Variants in LINGO2 observed in about 807,000 individuals in gnomAD.
LINGO2 encodes the protein leucine-rich repeat and immunoglobulin-like domain-containing nogo receptor-interacting protein 2.
Under a neutral mutation model 30.6 loss-of-function variants are expected in LINGO2, and 14 were observed. That is an observed-to-expected ratio of 0.46 (90% confidence interval 0.30 to 0.72). The LOEUF is 0.72. LINGO2 is among the 30% of genes least tolerant of loss of function. LINGO2 has a pLI of 0.07. For synonymous variants in LINGO2, 317 were observed against 288.5 expected (o/e 1.10, Z -1.00); for missense variants, 729 against 751.7 (o/e 0.97, Z 0.35).
intron 2 of LINGO2, among the ~76,000 whole-genome samples, chr9:28,391,979 C>T (rs896631331): frequency 1.1e-4 from 16 of 152,232 alleles, no homozygotes; most frequent in Admixed American, 7.2e-4. Flanking sequence ...GAGGCCAAGG[C>T]GGATCACAGT....
At chr9:28,723,073 T>C in the LINGO2 span, among the ~76,000 whole-genome samples, 5 of 152,072 alleles carry the variant, frequency 3.3e-5, no homozygotes, top group Non-Finnish European at 5.9e-5. Flanking sequence ...ATCCAGGTGG[T>C]TTATGTACAC....
the LINGO2 span, among the ~76,000 whole-genome samples, chr9:29,169,212 T>C: frequency 1.3e-5 from 2 of 152,120 alleles, no homozygotes; most frequent in African/African-American, 4.8e-5. Flanking sequence ...CCTCCCAAAG[T>C]GCTAGGATTA....
the LINGO2 span, among the ~76,000 whole-genome samples, chr9:29,182,765 A>C: frequency 2.1e-4 from 32 of 152,250 alleles, no homozygotes; most frequent in African/African-American, 7.7e-4. Flanking sequence ...AGCTATGAGT[A>C]ACATGGCATC....
intron 4 of LINGO2, among the ~76,000 whole-genome samples, chr9:28,198,144 A>G (rs1436728907): frequency 1.3e-5 from 2 of 150,770 alleles, no homozygotes; most frequent in African/African-American, 2.4e-5. Flanking sequence ...GAGGAACAAC[A>G]TTGAGAAATT....
At chr9:29,188,304 A>G in the LINGO2 span, among the ~76,000 whole-genome samples, 1 of 151,830 alleles carries the variant, frequency 6.6e-6, no homozygotes, top group Non-Finnish European at 1.5e-5. Flanking sequence ...GAGTGGACAC[A>G]GCACATGTTT....
intron 4 of LINGO2, among the ~76,000 whole-genome samples, chr9:28,035,893 A>ACAC (rs1823908825): frequency 6.7e-6 from 1 of 149,198 alleles, no homozygotes; most frequent in African/African-American, 2.5e-5. Flanking sequence ...CACACACACA[A>ACAC]ACACACACAC....
chr9:28,909,440 A>C, the LINGO2 span, among the ~76,000 whole-genome samples: 1 of 151,956 alleles, frequency 6.6e-6, no homozygotes, highest in South Asian at 2.1e-4. Flanking sequence ...CACATTAGTA[A>C]TAGGTTTTTT....
chr9:29,087,767 C>T, the LINGO2 span, among the ~76,000 whole-genome samples: 1 of 152,072 alleles, frequency 6.6e-6, no homozygotes, highest in South Asian at 2.1e-4. Context: ...AAAATTAGCC[C>T]TCATTCCTTG....
chr9:29,190,757 G>T, the LINGO2 span, among the ~76,000 whole-genome samples: 1 of 152,062 alleles, frequency 6.6e-6, no homozygotes, highest in African/African-American at 2.4e-5. Context: ...TCCATATTAT[G>T]AAAAAATAAG....
chr9:28,075,599 T>C (rs947062190), intron 4 of LINGO2, among the ~76,000 whole-genome samples: 2 of 152,012 alleles, frequency 1.3e-5, no homozygotes, highest in African/African-American at 4.8e-5. Flanking sequence ...TCCAATGTTG[T>C]ATGTATAAGA....
intron 4 of LINGO2, among the ~76,000 whole-genome samples, chr9:28,258,756 C>T (rs1423689218): frequency 6.6e-6 from 1 of 151,636 alleles, no homozygotes. Flanking sequence ...TTATTTTTAC[C>T]CTTCTTATCT....
chr9:29,074,641 A>AT, the LINGO2 span, among the ~76,000 whole-genome samples: 4 of 148,572 alleles, frequency 2.7e-5, no homozygotes, highest in East Asian at 5.9e-4. Context: ...TGCTAAACAC[A>AT]TAAGTTACAC....
intron 1 of LINGO2, among the ~76,000 whole-genome samples, chr9:28,496,558 A>G (rs1308852435): frequency 6.6e-6 from 1 of 151,680 alleles, no homozygotes; most frequent in East Asian, 1.9e-4. Context: ...GTGTCTCTGC[A>G]TGTGAGATGG....
At chr9:28,001,336 C>T (rs1173593213) in intron 5 of LINGO2, among the ~76,000 whole-genome samples, 2 of 152,156 alleles carry the variant, frequency 1.3e-5, no homozygotes, top group African/African-American at 4.8e-5. Flanking sequence ...TGAATAGCAA[C>T]TGATGTAACA....
the LINGO2 span, among the ~76,000 whole-genome samples, chr9:28,676,874 T>C: frequency 1.3e-5 from 2 of 152,298 alleles, no homozygotes; most frequent in African/African-American, 2.4e-5. Context: ...AATTCTCCTA[T>C]GGCTACACAT....
chr9:28,476,090 A>G (rs1013228012), intron 1 of LINGO2, 65 bp from the exon 4 acceptor site: 1 of 152,588 alleles, frequency 6.6e-6, no homozygotes, highest in Non-Finnish European at 1.5e-5. Flanking sequence ...ATTTTACTAT[A>G]TTAATGGCCA....
chr9:28,124,605 G>A (rs551351874), intron 4 of LINGO2, among the ~76,000 whole-genome samples: 28 of 152,106 alleles, frequency 1.8e-4, no homozygotes, highest in Non-Finnish European at 3.7e-4. Context: ...TTACCTCTGA[G>A]TAAACAGAGA....
rs1819926436 is a variant in LINGO2 at position 28,352,140 on chromosome 9, G to A, written c.-246+20696C>T. ...ACTCCTATTCAACATAGTGTTGGAA[G>A]TTCTGGCCAGGGCTATTAGGCAGGA... On this transcript the variant is annotated intron_variant, in intron 3 of 5. Transcript: ENST00000379992. 3.3e-5 allele frequency among the ~76,000 whole-genome samples: 5 copies of A among 151,178 alleles called. No individual in the cohort carries two copies. In the South Asian group the frequency reaches 6.3e-4, roughly 19 times the overall value.
chr9:29,175,684 G>A, the LINGO2 span, among the ~76,000 whole-genome samples: 1,612 of 151,736 alleles, frequency 0.011, 36 homozygotes, highest in African/African-American at 0.036. Flanking sequence ...ACACCACCAC[G>A]CCTGGCTAAT....
Sources: gnomAD v4.1 joint callset for allele counts (sites outside exome capture counted in the v4.1 genomes callset) on GRCh38, gnomAD v4.1.1 for gene constraint, MANE v1.5 for transcripts, NCBI Gene and HGNC (gene_info 2026-07-23, HGNC 2026-07-21) for gene names.